The following PKIB variants were observed in gnomAD, a reference collection of about 807,000 sequenced individuals.
PKIB encodes the protein PKI-beta.
PKIB carries 2 observed loss-of-function variants against 4.5 expected under a neutral mutation model. The observed-to-expected ratio is 0.44, with a 90% CI of 0.18 to 1.39. The LOEUF is 1.39. Ranked by LOEUF, PKIB falls within the 40% of genes most tolerant of loss-of-function variation. PKIB has a pLI of 0.27. For missense variants in PKIB, 94 were observed against 92.6 expected, an observed-to-expected ratio of 1.02 and a Z score of -0.06; for synonymous variants, 38 against 36.0, an observed-to-expected ratio of 1.06 and a Z score of -0.20.
At chr6:122,621,695 GAGATGT>G (rs1405635161) in intron 1 of PKIB, among the ~76,000 whole-genome samples, 2 of 152,234 alleles carry the variant, frequency 1.3e-5, no homozygotes, top group East Asian at 1.9e-4. Flanking sequence ...ACAGTGACAG[GAGATGT>G]AGCTGGAAAT....
intron 3 of PKIB, among the ~76,000 whole-genome samples, chr6:122,604,179 A>T (rs72962492): frequency 6.6e-6 from 1 of 152,188 alleles, no homozygotes; most frequent in African/African-American, 2.4e-5. Context: ...TTTGGAATAG[A>T]AGAATCTCAT....
intron 3 of PKIB, among the ~76,000 whole-genome samples, chr6:122,692,787 A>G (rs1284580343): frequency 6.6e-6 from 1 of 152,234 alleles, no homozygotes; most frequent in Non-Finnish European, 1.5e-5. Flanking sequence ...GCTTCTATTC[A>G]GCCATCAAGA....
At chr6:122,554,214 C>T (rs1048223289) in intron 2 of PKIB, among the ~76,000 whole-genome samples, 1 of 152,142 alleles carries the variant, frequency 6.6e-6, no homozygotes, top group African/African-American at 2.4e-5. Flanking sequence ...TTGTTACTTT[C>T]TGATGAAGAT....
intron 2 of PKIB, among the ~76,000 whole-genome samples, chr6:122,545,453 A>G (rs1323661775): frequency 1.3e-5 from 2 of 151,878 alleles, no homozygotes; most frequent in Admixed American, 1.3e-4. Context: ...ACACATGGAC[A>G]CAAAGGTTCA....
intron 2 of PKIB, among the ~76,000 whole-genome samples, chr6:122,543,662 G>A (rs1772387712): frequency 6.6e-6 from 1 of 151,980 alleles, no homozygotes; most frequent in Non-Finnish European, 1.5e-5. Flanking sequence ...TTACAGGCAT[G>A]AGCCACTGCA....
chr6:122,562,695 G>A (rs921343241), intron 2 of PKIB, among the ~76,000 whole-genome samples: 1 of 152,098 alleles, frequency 6.6e-6, no homozygotes, highest in Non-Finnish European at 1.5e-5. Context: ...GGGTTAATTA[G>A]AAGGCTTTGT....
chr6:122,633,631 GA>G (rs1163827734), intron 2 of PKIB, among the ~76,000 whole-genome samples: 1 of 152,140 alleles, frequency 6.6e-6, no homozygotes, highest in African/African-American at 2.4e-5. Flanking sequence ...AGCTTGGTTT[GA>G]TATTTCCACT....
intron 2 of PKIB, among the ~76,000 whole-genome samples, chr6:122,649,356 T>C (rs1776456511): frequency 6.6e-6 from 1 of 152,200 alleles, no homozygotes; most frequent in East Asian, 1.9e-4. Context: ...TTCAGATATG[T>C]ACTAGAAAGG....
At chr6:122,679,239 T>C (rs889173794) in intron 3 of PKIB, among the ~76,000 whole-genome samples, 2 of 151,900 alleles carry the variant, frequency 1.3e-5, no homozygotes, top group African/African-American at 4.8e-5. Flanking sequence ...TGAAAGGGAG[T>C]ATGTCTGAGA....
chr6:122,674,703 G>A (rs192302339), intron 2 of PKIB, among the ~76,000 whole-genome samples: 63 of 152,148 alleles, frequency 4.1e-4, no homozygotes, highest in Non-Finnish European at 7.8e-4. Flanking sequence ...TTCCAAAGGT[G>A]GTATCATGCC....
At chr6:122,689,344 G>A (rs964894391) in intron 3 of PKIB, among the ~76,000 whole-genome samples, 2 of 151,902 alleles carry the variant, frequency 1.3e-5, no homozygotes, top group Admixed American at 1.3e-4. Flanking sequence ...TCTTTAATAT[G>A]CATCATTGAG....
chr6:122,520,370 C>G (rs78245705), intron 2 of PKIB, among the ~76,000 whole-genome samples: 2,139 of 152,166 alleles, frequency 0.014, 53 homozygotes, highest in African/African-American at 0.049. Context: ...GTTACACAAG[C>G]TGATTTTGTT....
chr6:122,660,140 G>A (rs542428814), intron 2 of PKIB, among the ~76,000 whole-genome samples: 206 of 152,296 alleles, frequency 1.4e-3, no homozygotes, highest in Middle Eastern at 6.8e-3. Context: ...AGCAGAGCCT[G>A]GTGGATTCTG....
intron 2 of PKIB, among the ~76,000 whole-genome samples, chr6:122,500,560 T>C (rs940607169): frequency 2.8e-4 from 42 of 152,334 alleles, no homozygotes; most frequent in African/African-American, 9.9e-4. Context: ...GTCTTTAGAA[T>C]TTTTCTGACT....
At chr6:122,611,590 G>A (rs557457609) in intron 1 of PKIB, among the ~76,000 whole-genome samples, 2 of 152,266 alleles carry the variant, frequency 1.3e-5, no homozygotes, top group African/African-American at 4.8e-5. Flanking sequence ...GAAATATTGC[G>A]AGTATTGCAT....
intron 2 of PKIB, among the ~76,000 whole-genome samples, chr6:122,657,847 A>G (rs1387279432): frequency 6.6e-6 from 1 of 152,232 alleles, no homozygotes; most frequent in Non-Finnish European, 1.5e-5. Flanking sequence ...AGATACAGGA[A>G]TCATGCAGCT....
chr6:122,695,544 A>G (rs1018593062), intron 3 of PKIB, among the ~76,000 whole-genome samples: 3 of 152,180 alleles, frequency 2.0e-5, no homozygotes, highest in African/African-American at 7.2e-5. Flanking sequence ...GTTCGCTGAA[A>G]CACTATGGTG....
chr6:122,564,609 A>T (rs978950014), intron 2 of PKIB, among the ~76,000 whole-genome samples: 3 of 152,246 alleles, frequency 2.0e-5, no homozygotes, highest in African/African-American at 7.2e-5. Context: ...GGAAATTAAT[A>T]AACAGTGGTT....
chr6:122,618,267 T>G (rs1420883995), intron 1 of PKIB, among the ~76,000 whole-genome samples: 1 of 152,162 alleles, frequency 6.6e-6, no homozygotes. Context: ...AAGGGCAGTA[T>G]GTGCTTACTG....
Sources: allele counts gnomAD v4.1 joint callset (sites outside exome capture counted in the v4.1 genomes callset), GRCh38; gene constraint gnomAD v4.1.1; transcripts MANE v1.5; gene names NCBI Gene and HGNC (gene_info 2026-07-23, HGNC 2026-07-21).